LASP1: variants seen among roughly 807,000 people sequenced by gnomAD.
The protein encoded by LASP1 is LIM and SH3 domain protein 1.
A neutral mutation model predicts 38.6 loss-of-function variants in LASP1; 10 were observed. The ratio of observed to expected loss-of-function variants is 0.26; its 90% CI spans 0.16 to 0.44. LASP1 has a LOEUF of 0.44. LASP1 is among the 20% of genes least tolerant of loss of function. LASP1 has a pLI of 1.00. For synonymous variants in LASP1, 132 were observed against 140.8 expected (o/e 0.94, Z 0.44); for missense variants, 243 against 375.7 (o/e 0.65, Z 2.92).
At chr17:38,907,251 C>T (rs189645974) in intron 4 of LASP1, among the ~76,000 whole-genome samples, 183 of 152,262 alleles carry the variant, frequency 1.2e-3, no homozygotes, top group African/African-American at 2.8e-3. Flanking sequence ...CCCATTTAGC[C>T]GCTCTGTGCC....
chr17:38,885,115 C>T (rs1297776301), intron 2 of LASP1, among the ~76,000 whole-genome samples: 1 of 152,134 alleles, frequency 6.6e-6, no homozygotes, highest in Non-Finnish European at 1.5e-5. Flanking sequence ...TGTTTTGCAC[C>T]CAACCTGCCA....
chr17:38,902,257 T>C (rs570851283), intron 4 of LASP1, among the ~76,000 whole-genome samples: 3 of 151,814 alleles, frequency 2.0e-5, no homozygotes, highest in Non-Finnish European at 4.4e-5. Context: ...GACACTATCT[T>C]GCTATGTTGC....
At chr17:38,900,379 C>T (rs1371914702) in intron 4 of LASP1, among the ~76,000 whole-genome samples, 3 of 28,926 alleles carry the variant, frequency 1.0e-4, no homozygotes, top group Non-Finnish European at 2.1e-4. Context: ...GACCCTGTTT[C>T]CAAAAAAAAA....
chr17:38,887,426 G>C (rs7210847), intron 2 of LASP1, among the ~76,000 whole-genome samples: 6,541 of 152,274 alleles, frequency 0.043, 480 homozygotes, highest in African/African-American at 0.15. Flanking sequence ...TCATCCCTTG[G>C]CCTGGAATTG....
intron 4 of LASP1, among the ~76,000 whole-genome samples, chr17:38,905,490 C>G (rs1914750842): frequency 6.9e-6 from 1 of 144,956 alleles, no homozygotes; most frequent in Admixed American, 7.1e-5. Context: ...GAGATCGCAC[C>G]ACTGCATTCC....
In LASP1 at chr17:38,877,629, G is replaced by C. The variant is rs1254253615; in HGVS notation, c.70-457G>C. ...ACCTGGGTTCTGGGCCTGGGTGTGTGGGGGCTGGGCCTTCCTCTTCTGAGG... is the reference window on the plus strand; with the variant it reads ...ACCTGGGTTCTGGGCCTGGGTGTGTCGGGGCTGGGCCTTCCTCTTCTGAGG... On this transcript the variant is annotated intron_variant, in intron 1 of 6. Coordinates refer to ENST00000318008, the MANE Select transcript of LASP1 (RefSeq NM_006148.4). 3.9e-5 allele frequency among the ~76,000 whole-genome samples: 6 copies of C among 152,282 alleles called. No homozygotes were observed. The East Asian group carries it at 5.8e-4, about 15-fold the overall frequency.
rs1260413396 is a variant in LASP1, at chr17:38,914,406, C to CG, written c.439_440insG (p.Gln147ArgfsTer66). ...CATGGAGCCAGAGCGTCGGGATTCACAGGACGGCAGCAGCTACCGGCGGCC... is the reference window on the plus strand; with the variant it reads ...CATGGAGCCAGAGCGTCGGGATTCACGAGGACGGCAGCAGCTACCGGCGGCC... On this transcript the variant is annotated frameshift_variant, in exon 5 of 7. Coordinates refer to ENST00000318008, the MANE Select transcript of LASP1 (RefSeq NM_006148.4). LOFTEE classifies it high-confidence loss of function. 1 of 1,611,884 alleles carries CG rather than the reference C, an allele frequency of 6.2e-7. No individual in the cohort carries two copies. Among genetic ancestry groups the CG allele is most frequent in the East Asian group, 2.2e-5 (1 of 44,882 alleles).
chr17:38,900,982 A>AG (rs1914626436), intron 4 of LASP1, among the ~76,000 whole-genome samples: 1 of 152,046 alleles, frequency 6.6e-6, no homozygotes, highest in Non-Finnish European at 1.5e-5. Context: ...GGGAGGGGGA[A>AG]GATGGTCTTA....
chr17:38,897,088 T>C lies in LASP1; in HGVS notation c.250-1324T>C, dbSNP rs915915634. ...TGGTGCTAGGCAGGTTCTGGACTCTTGGGGTGGGTTGGTGCCTCTATCCAC... is the reference window on the plus strand; with the variant it reads ...TGGTGCTAGGCAGGTTCTGGACTCTCGGGGTGGGTTGGTGCCTCTATCCAC... On this transcript the variant is annotated intron_variant, in intron 3 of 6. Coordinates refer to ENST00000318008, the MANE Select transcript of LASP1 (RefSeq NM_006148.4). The C allele has an allele frequency of 3.0e-6, 3 of 985,490 alleles. No individual in the cohort carries two copies. The East Asian group carries it at 3.4e-4, about 112-fold the overall frequency. The allele number at this position is 985,490 out of a possible 1,614,324, so 61.0% of individuals were successfully genotyped here.
chr17:38,873,569 T>C (rs1239312771), intron 1 of LASP1, among the ~76,000 whole-genome samples: 1 of 152,226 alleles, frequency 6.6e-6, no homozygotes, highest in Non-Finnish European at 1.5e-5. Flanking sequence ...TACATCTCAT[T>C]TGTGCCAAAA....
chr17:38,886,075 C>T (rs769279528), intron 2 of LASP1, among the ~76,000 whole-genome samples: 15 of 151,946 alleles, frequency 9.9e-5, no homozygotes, highest in East Asian at 7.7e-4. Flanking sequence ...CCTCAACCCC[C>T]GTAGACCTCT....
At chr17:38,905,530 CAAA>C (rs35515925) in intron 4 of LASP1, among the ~76,000 whole-genome samples, 8 of 93,122 alleles carry the variant, frequency 8.6e-5, no homozygotes, top group African/African-American at 8.5e-5. Context: ...GACTCCATCT[CAAA>C]AAAAAAAAAA....
rs920582140 is a variant in LASP1, at chr17:38,921,116, G to A, written c.*2338G>A. On this transcript the variant is annotated 3_prime_UTR_variant, in exon 7 of 7. Transcript: ENST00000318008. ...AGGGACTGTCACACTGGTGCTGAGT[G>A]ACCGGGGGCTGCTGGGCGTCTGTTC... is the stretch of plus-strand genomic sequence containing the variant. 1 of 229,988 alleles carries A rather than the reference G, an allele frequency of 4.3e-6. No individual in the cohort carries two copies. The highest frequency in any genetic ancestry group is 8.6e-6 in the Non-Finnish European group (1 of 116,068). 14.2% of individuals were successfully genotyped at this position (229,988 alleles called of 1,614,324 possible). A position where few individuals can be genotyped will look rare whatever the true frequency, so the allele number is the denominator to read the frequency against.
chr17:38,896,750 T>A (rs934878325), intron 3 of LASP1, among the ~76,000 whole-genome samples: 4 of 151,988 alleles, frequency 2.6e-5, no homozygotes, highest in Admixed American at 2.0e-4. Context: ...GGGAACTGAG[T>A]CTTGAGATGT....
chr17:38,899,565 G>T (rs1474932296), intron 4 of LASP1, among the ~76,000 whole-genome samples: 1 of 152,172 alleles, frequency 6.6e-6, no homozygotes, highest in Non-Finnish European at 1.5e-5. Context: ...CAGAAGCACA[G>T]GCAGCCCACA....
intron 4 of LASP1, chr17:38,898,722 T>C: frequency 1.6e-6 from 1 of 644,046 alleles, no homozygotes; most frequent in Non-Finnish European, 2.9e-6. Flanking sequence ...ACGCATAGCA[T>C]TTTCTTCTTG....
At chr17:38,906,443 T>G (rs1210272659) in intron 4 of LASP1, among the ~76,000 whole-genome samples, 3 of 152,014 alleles carry the variant, frequency 2.0e-5, no homozygotes, top group Non-Finnish European at 4.4e-5. Context: ...GCAGGAGAAT[T>G]GGTTGAACTT....
intron 1 of LASP1, among the ~76,000 whole-genome samples, chr17:38,876,343 CTATTTATTTATT>C (rs374232262): frequency 6.7e-5 from 10 of 148,612 alleles, no homozygotes; most frequent in Admixed American, 2.0e-4. Flanking sequence ...CATACCCGGC[CTATTTATTTATT>C]TATTTATTTA....
chr17:38,885,015 G>C (rs932690493), intron 2 of LASP1, among the ~76,000 whole-genome samples: 1 of 152,182 alleles, frequency 6.6e-6, no homozygotes, highest in African/African-American at 2.4e-5. Flanking sequence ...GGGATAGGCA[G>C]CTCCTAAGCA....
Sources: allele counts gnomAD v4.1 joint callset (sites outside exome capture counted in the v4.1 genomes callset), GRCh38; gene constraint gnomAD v4.1.1; transcripts MANE v1.5; gene names NCBI Gene and HGNC (gene_info 2026-07-23, HGNC 2026-07-21).